Variants in GRM5 observed in about 807,000 individuals in gnomAD.
GRM5 encodes metabotropic glutamate receptor 5.
In GRM5, 19 loss-of-function variants were observed where a neutral mutation model predicts 83.1. The observed-to-expected ratio is 0.23, with a 90% CI of 0.16 to 0.34. The LOEUF (loss-of-function observed/expected upper bound fraction) is 0.34, where lower values mean the gene tolerates loss of function less well. GRM5 is among the 10% of genes least tolerant of loss of function. GRM5 has a pLI of 1.00. For synonymous variants in GRM5, 675 were observed against 633.6 expected (o/e 1.07, Z -0.98); for missense variants, 1,160 against 1,588.3 (o/e 0.73, Z 4.58).
intron 8 of GRM5, among the ~76,000 whole-genome samples, chr11:88,532,202 G>A (rs148104442): frequency 6.6e-6 from 1 of 152,282 alleles, no homozygotes; most frequent in East Asian, 1.9e-4. Context: ...GTGGGTAGGA[G>A]TGTGTTCTTC....
At chr11:88,648,211 T>G (rs1390996547) in intron 4 of GRM5, among the ~76,000 whole-genome samples, 1 of 150,752 alleles carries the variant, frequency 6.6e-6, no homozygotes, top group Non-Finnish European at 1.5e-5. Context: ...CACGTATGTT[T>G]ATTGCGGCAT....
At chr11:88,784,261 G>A (rs377609189) in intron 3 of GRM5, among the ~76,000 whole-genome samples, 18 of 152,132 alleles carry the variant, frequency 1.2e-4, no homozygotes, top group African/African-American at 3.6e-4. Flanking sequence ...ATTATATACT[G>A]ATCCATTAGA....
At chr11:88,914,204 C>T (rs936805956) in intron 2 of GRM5, among the ~76,000 whole-genome samples, 1 of 152,178 alleles carries the variant, frequency 6.6e-6, no homozygotes, top group Non-Finnish European at 1.5e-5. Flanking sequence ...TCCTTCCACA[C>T]TTCCAATCAC....
intron 3 of GRM5, among the ~76,000 whole-genome samples, chr11:88,845,041 T>A (rs960765200): frequency 6.6e-6 from 1 of 152,198 alleles, no homozygotes; most frequent in South Asian, 2.1e-4. Flanking sequence ...AAAGCAGTGA[T>A]AGAATTTGAA....
chr11:88,965,660 G>A (rs890631676), intron 2 of GRM5, among the ~76,000 whole-genome samples: 26 of 151,974 alleles, frequency 1.7e-4, no homozygotes, highest in African/African-American at 6.3e-4. Context: ...TATATCATCA[G>A]GAGTAAAAAG....
intron 2 of GRM5, among the ~76,000 whole-genome samples, chr11:88,974,901 G>A (rs12794006): frequency 6.6e-6 from 1 of 152,164 alleles, no homozygotes; most frequent in Non-Finnish European, 1.5e-5. Context: ...TTCATAAGAA[G>A]TAGTCAATCA....
chr11:88,979,430 C>A (rs186736161), intron 2 of GRM5, among the ~76,000 whole-genome samples: 3 of 152,266 alleles, frequency 2.0e-5, no homozygotes, highest in Admixed American at 1.3e-4. Flanking sequence ...TATCAAGTGA[C>A]AAATGTTCTG....
intron 2 of GRM5, among the ~76,000 whole-genome samples, chr11:89,029,061 T>C (rs181781117): frequency 1.3e-5 from 2 of 152,330 alleles, no homozygotes; most frequent in East Asian, 3.9e-4. Context: ...GTTAGTTTGC[T>C]GAGAATGATG....
intron 8 of GRM5, among the ~76,000 whole-genome samples, chr11:88,533,477 C>T (rs887807567): frequency 6.6e-6 from 1 of 152,102 alleles, no homozygotes; most frequent in African/African-American, 2.4e-5. Context: ...CCATTTCCTG[C>T]TTTTATCAGG....
At chr11:88,879,960 T>G (rs932560989) in intron 2 of GRM5, among the ~76,000 whole-genome samples, 1 of 152,082 alleles carries the variant, frequency 6.6e-6, no homozygotes, top group Non-Finnish European at 1.5e-5. Flanking sequence ...AATAGATGCA[T>G]GTATTTAATG....
At chr11:88,982,200 A>T (rs962609211) in intron 2 of GRM5, among the ~76,000 whole-genome samples, 19 of 152,352 alleles carry the variant, frequency 1.2e-4, no homozygotes, top group African/African-American at 3.6e-4. Flanking sequence ...CATGTTCATC[A>T]TGTGATTTTT....
chr11:88,780,554 ATAAAAG>A (rs1444656187), intron 3 of GRM5, among the ~76,000 whole-genome samples: 2 of 152,186 alleles, frequency 1.3e-5, no homozygotes, highest in Non-Finnish European at 2.9e-5. Flanking sequence ...AGCTTTACAG[ATAAAAG>A]TAAATCAGGT....
chr11:89,043,946 A>C (rs192829708), intron 2 of GRM5, among the ~76,000 whole-genome samples: 64 of 152,310 alleles, frequency 4.2e-4, no homozygotes, highest in African/African-American at 1.5e-3. Context: ...GCTATTGGTC[A>C]AAGTGTCAGA....
At chr11:88,807,490 C>G (rs1316708193) in intron 3 of GRM5, among the ~76,000 whole-genome samples, 4 of 151,998 alleles carry the variant, frequency 2.6e-5, no homozygotes, top group Non-Finnish European at 4.4e-5. Context: ...GAGACTTTTG[C>G]TCAAATGGGA....
chr11:89,061,328 C>A (rs955892232), intron 1 of GRM5, among the ~76,000 whole-genome samples: 1 of 152,146 alleles, frequency 6.6e-6, no homozygotes, highest in African/African-American at 2.4e-5. Flanking sequence ...CCTCATCTCA[C>A]ATTTTCTACT....
At chr11:88,934,378 C>T (rs1342609768) in intron 2 of GRM5, among the ~76,000 whole-genome samples, 1 of 151,844 alleles carries the variant, frequency 6.6e-6, no homozygotes, top group East Asian at 1.9e-4. Context: ...GTGCCCAAAG[C>T]TGCTCTATTT....
intron 2 of GRM5, among the ~76,000 whole-genome samples, chr11:88,910,333 A>T (rs1267518783): frequency 1.3e-5 from 2 of 152,086 alleles, no homozygotes; most frequent in Admixed American, 6.6e-5. Flanking sequence ...GATGAACACC[A>T]AGTTTATTTG....
intron 3 of GRM5, among the ~76,000 whole-genome samples, chr11:88,732,968 T>C (rs982166821): frequency 5.3e-5 from 8 of 152,056 alleles, no homozygotes; most frequent in African/African-American, 1.9e-4. Flanking sequence ...GCATTTTCCG[T>C]TTGTTTATGA....
At chr11:88,952,138 ACAC>A (rs1938485500) in intron 2 of GRM5, among the ~76,000 whole-genome samples, 5 of 148,792 alleles carry the variant, frequency 3.4e-5, no homozygotes, top group African/African-American at 1.0e-4. Context: ...ACACACACAC[ACAC>A]ACACATTGCT....
Sources: gnomAD v4.1 joint callset for allele counts (sites outside exome capture counted in the v4.1 genomes callset) on GRCh38, gnomAD v4.1.1 for gene constraint, MANE v1.5 for transcripts, NCBI Gene and HGNC (gene_info 2026-07-23, HGNC 2026-07-21) for gene names.